FER1L6: variants seen among roughly 807,000 people sequenced by gnomAD.
The protein encoded by FER1L6 is fer-1 like family member 6, also known as fer-1-like protein 6.
Under a neutral mutation model 219.2 loss-of-function variants are expected in FER1L6, and 177 were observed. That is an observed-to-expected ratio of 0.81 (90% confidence interval 0.71 to 0.91). The LOEUF (loss-of-function observed/expected upper bound fraction) is 0.91. FER1L6 is among the 40% of genes least tolerant of loss of function. FER1L6 has a pLI of 0.00. For missense variants in FER1L6, 2,153 were observed against 2,259.9 expected, an observed-to-expected ratio of 0.95 and a Z score of 0.96; for synonymous variants, 768 against 824.3, an observed-to-expected ratio of 0.93 and a Z score of 1.17.
chr8:123,962,040 C>T (rs1046740557), intron 2 of FER1L6, among the ~76,000 whole-genome samples: 2 of 151,982 alleles, frequency 1.3e-5, no homozygotes, highest in African/African-American at 4.8e-5. Flanking sequence ...CAGGTGCCCA[C>T]CACCACGCCC....
chr8:124,018,932 C>T lies in FER1L6; in HGVS notation c.2013+1214C>T, dbSNP rs192566105. 2.1e-3 allele frequency among the ~76,000 whole-genome samples: 323 copies of T among 152,308 alleles called. 6 individuals carry two copies. Among genetic ancestry groups the T allele is most frequent in the Non-Finnish European group, 1.3e-3 (88 of 68,022 alleles). ...ATTCTGCCTCTTAATGACTCTGGAA[C>T]GAACTCCACTTCTTCATCTTCAGAG... On this transcript the variant is annotated intron_variant, in intron 16 of 40. Coordinates refer to ENST00000522917, the MANE Select transcript of FER1L6 (RefSeq NM_001039112.2).
intron 1 of FER1L6, among the ~76,000 whole-genome samples, chr8:123,928,556 G>A (rs4871433): frequency 0.41 from 61,781 of 152,050 alleles, 12,918 homozygotes; most frequent in South Asian, 0.52. Context: ...GTGTCCAGAG[G>A]TGGGGTTTCC....
At chr8:123,906,570 C>T (rs897039685) in intron 1 of FER1L6, among the ~76,000 whole-genome samples, 5 of 152,028 alleles carry the variant, frequency 3.3e-5, no homozygotes, top group African/African-American at 1.2e-4. Flanking sequence ...GAGGCTGAGG[C>T]AGGCAGATTA....
chr8:124,084,674 T>C (rs542895551), intron 33 of FER1L6, among the ~76,000 whole-genome samples: 1 of 152,176 alleles, frequency 6.6e-6, no homozygotes, highest in Admixed American at 6.5e-5. Context: ...TAGTATTTTG[T>C]TGAAAATTTT....
chr8:124,062,057 T>C, intron 25 of FER1L6, 25 bp downstream of exon 25: 1 of 1,612,430 alleles, frequency 6.2e-7, no homozygotes, highest in African/African-American at 1.3e-5. Flanking sequence ...TTAGATTTTG[T>C]AGCTGTAACT....
intron 22 of FER1L6, among the ~76,000 whole-genome samples, chr8:124,052,594 G>A (rs1820095291): frequency 6.6e-6 from 1 of 152,054 alleles, no homozygotes; most frequent in African/African-American, 2.4e-5. Context: ...GAGACAGCCT[G>A]ACCAACATGG....
rs113842248 is a variant in FER1L6, at chr8:123,872,972, A to G, written c.-8+20787A>G. Among the ~76,000 whole-genome samples the G allele has an allele frequency of 8.7e-3, 1,318 of 152,270 alleles. 9 individuals are homozygous for G. Among genetic ancestry groups the G allele is most frequent in the Middle Eastern group, 0.014 (4 of 294 alleles). Reference sequence around the variant, plus strand: ...ATGATGTTCCCTCTGTGTGGAATTCATTTCCCCCATTGTCTCCCAGAGAGT... The same window carrying G: ...ATGATGTTCCCTCTGTGTGGAATTCGTTTCCCCCATTGTCTCCCAGAGAGT... On this transcript the variant is annotated intron_variant, in intron 1 of 40. Transcript: ENST00000522917.
chr8:123,861,129 T>A (rs1334578167), intron 1 of FER1L6, among the ~76,000 whole-genome samples: 1 of 112,290 alleles, frequency 8.9e-6, no homozygotes, highest in East Asian at 2.4e-4. Context: ...AACGTTTAAA[T>A]CTTTAATCCA....
chr8:124,062,467 C>G (rs148153973), intron 25 of FER1L6, among the ~76,000 whole-genome samples: 1 of 152,144 alleles, frequency 6.6e-6, no homozygotes, highest in Non-Finnish European at 1.5e-5. Flanking sequence ...AGTGCCCTCC[C>G]CACTGCAGGC....
In FER1L6 at chr8:123,918,308, C is replaced by CAA. The variant is rs34073010; in HGVS notation, c.-7-37668_-7-37667dup. 2.9e-3 allele frequency among the ~76,000 whole-genome samples: 353 copies of CAA among 123,774 alleles called. 2 individuals carry two copies. The highest frequency in any genetic ancestry group is 9.3e-3 in the African/African-American group (306 of 33,038). The allele number at this position is 123,774 out of a possible 152,430, so 81.2% of individuals were successfully genotyped here. A position where few individuals can be genotyped will look rare whatever the true frequency, so the allele number is the denominator to read the frequency against. On this transcript the variant is annotated intron_variant, in intron 1 of 40. Transcript: ENST00000522917. ...TGGGTGACAGAGAGACAACCTGTCT[C>CAA]AAAAAAAAAAAAAAAAATTCAACAA...
rs1031924668 is a variant in FER1L6, at chr8:123,864,714, G to A, written c.-8+12529G>A. On this transcript the variant is annotated intron_variant, in intron 1 of 40. Transcript: ENST00000522917. ...CTTTTTTCTCTAAACTTCCCTTCTC[G>A]CTTCATTTCATTCATTTCATCTTCC... 1.4e-4 allele frequency among the ~76,000 whole-genome samples: 21 copies of A among 148,612 alleles called. 1 individual carries two copies. Among genetic ancestry groups the A allele is most frequent in the Non-Finnish European group, 2.4e-4 (16 of 67,778 alleles).
chr8:124,035,875 T>C, intron 19 of FER1L6: 1 of 156,940 alleles, frequency 6.4e-6, no homozygotes, highest in Non-Finnish European at 1.4e-5. Context: ...TTCCTAGTAG[T>C]AACCCAGTGG....
chr8:124,108,880 T>C (rs1822891533), intron 39 of FER1L6, among the ~76,000 whole-genome samples: 2 of 151,254 alleles, frequency 1.3e-5, no homozygotes, highest in South Asian at 2.1e-4. Flanking sequence ...CCTGTCTCTA[T>C]AGAAAAAAGG....
intron 6 of FER1L6, among the ~76,000 whole-genome samples, chr8:123,972,985 T>C (rs986550551): frequency 6.6e-6 from 1 of 152,178 alleles, no homozygotes; most frequent in Non-Finnish European, 1.5e-5. Context: ...TTCTCACCGT[T>C]GTACATGCCT....
chr8:123,946,721 C>A (rs1814508943), intron 1 of FER1L6, among the ~76,000 whole-genome samples: 1 of 152,170 alleles, frequency 6.6e-6, no homozygotes, highest in Non-Finnish European at 1.5e-5. Context: ...TCTTCCCTCT[C>A]TTCCTCCCAC....
chr8:124,093,813 T>G (rs999935314), intron 34 of FER1L6, among the ~76,000 whole-genome samples: 1 of 151,954 alleles, frequency 6.6e-6, no homozygotes, highest in Non-Finnish European at 1.5e-5. Flanking sequence ...ATTATTTTAA[T>G]TTTTGTGGGT....
intron 1 of FER1L6, among the ~76,000 whole-genome samples, chr8:123,885,676 G>A (rs1195602761): frequency 6.6e-6 from 1 of 152,212 alleles, no homozygotes; most frequent in Non-Finnish European, 1.5e-5. Context: ...GGGCTTTGGA[G>A]CCAGACAGCT....
rs375578413 is a variant in FER1L6 at position 124,088,975 on chromosome 8, C to T, written c.4392-2448C>T. On this transcript the variant is annotated intron_variant, in intron 33 of 40. Transcript: ENST00000522917. The stretch of plus-strand genomic sequence containing the variant: ...GCCTGGGATTAGGGGAGAGGTGGTG[C>T]GAGCACTCCCATGGCTGCCCCAGCT... Among the ~76,000 whole-genome samples the T allele has an allele frequency of 3.3e-5, 5 of 152,102 alleles. No homozygotes were observed. The South Asian group carries it at 1.0e-3, about 32-fold the overall frequency.
chr8:124,099,304 C>G (rs942580069), intron 37 of FER1L6, among the ~76,000 whole-genome samples: 2 of 150,770 alleles, frequency 1.3e-5, no homozygotes, highest in African/African-American at 4.9e-5. Flanking sequence ...AAAAGCAGCA[C>G]CTCAAACTGA....
Sources: gnomAD v4.1 joint callset for allele counts (sites outside exome capture counted in the v4.1 genomes callset) on GRCh38, gnomAD v4.1.1 for gene constraint, MANE v1.5 for transcripts, NCBI Gene and HGNC (gene_info 2026-07-23, HGNC 2026-07-21) for gene names.